ASAP2: variants seen among roughly 807,000 people sequenced by gnomAD.
The protein encoded by ASAP2 is ArfGAP with SH3 domain, ankyrin repeat and PH domain 2, also known as arf-GAP with SH3 domain, ANK repeat and PH domain-containing protein 2.
In ASAP2, 45 loss-of-function variants were observed where a neutral mutation model predicts 131.4. That is an observed-to-expected ratio of 0.34 (90% CI 0.27 to 0.44). The LOEUF is 0.44. ASAP2 is among the 20% of genes least tolerant of loss of function. ASAP2 has a pLI of 1.00. For missense variants in ASAP2, 1,011 were observed against 1,297.0 expected (o/e 0.78, Z 3.39); for synonymous variants, 510 against 503.0 (o/e 1.01, Z -0.19).
At chr2:9,247,714 G>A (rs1017191957) in intron 1 of ASAP2, among the ~76,000 whole-genome samples, 5 of 152,204 alleles carry the variant, frequency 3.3e-5, no homozygotes, top group Admixed American at 1.3e-4. Context: ...GGTGCCAGAC[G>A]CGGAGTAGGT....
In ASAP2 at chr2:9,391,053, T is replaced by C; in HGVS notation, c.2384-9T>C. The C allele has an allele frequency of 6.2e-7, 1 of 1,614,244 alleles. No homozygotes were observed. Among genetic ancestry groups the C allele is most frequent in the East Asian group, 2.2e-5 (1 of 44,886 alleles). ...GTGCATGCGTCTGTGTGCATGCGTG[T>C]GGGTTCAGTTCAGACAGCCTCCTCT... On this transcript the variant is annotated splice_polypyrimidine_tract_variant and intron_variant, in intron 22 of 27. Coordinates refer to ENST00000281419, the MANE Select transcript of ASAP2 (RefSeq NM_003887.3).
chr2:9,353,503 G>A (rs1031199148), intron 12 of ASAP2, among the ~76,000 whole-genome samples: 1 of 151,966 alleles, frequency 6.6e-6, no homozygotes, highest in African/African-American at 2.4e-5. Context: ...GTTGCAGTGA[G>A]TTGTGTTCGT....
At position 9,374,839 on chromosome 2, in the gene ASAP2, T is replaced by C. The variant is rs769199116; in HGVS notation, c.1641T>C (p.Leu547=). Residue 547 remains leucine, a synonymous_variant, in exon 17 of 28, where the codon CTT becomes CTC. Coordinates refer to ENST00000281419, the MANE Select transcript of ASAP2 (RefSeq NM_003887.3). ...RKKHADNAAK[L]HSLCEAVKTR... Reference sequence around the variant, plus strand: ...AGCACGCGGATAACGCGGCGAAGCTTCACAGTCTTTGCGAGGCCGTCAAAA... The same window carrying C: ...AGCACGCGGATAACGCGGCGAAGCTCCACAGTCTTTGCGAGGCCGTCAAAA... The C allele has an allele frequency of 2.0e-5, 33 of 1,614,002 alleles. No homozygotes were observed. The highest frequency in any genetic ancestry group is 8.8e-5 in the South Asian group (8 of 91,082).
intron 24 of ASAP2, among the ~76,000 whole-genome samples, chr2:9,396,531 C>A (rs999324488): frequency 7.9e-5 from 12 of 152,140 alleles, no homozygotes; most frequent in African/African-American, 2.7e-4. Context: ...CCCACCTTGG[C>A]CTTTCAGAGT....
chr2:9,320,314 T>G lies in ASAP2; in HGVS notation c.447T>G (p.Ala149=), dbSNP rs972889708. 2.5e-6 allele frequency: 4 copies of G among 1,610,638 alleles called. No homozygotes were observed. The highest frequency in any genetic ancestry group is 3.4e-6 in the Non-Finnish European group (4 of 1,178,892). The change falls in exon 5 of 28, where the codon GCT becomes GCG. Residue 149 remains alanine, a synonymous_variant. Coordinates refer to ENST00000281419, the MANE Select transcript of ASAP2 (RefSeq NM_003887.3). ...ATCTGAAAAAGCCTTTTGATAAAGC[T>G]TGGAAGGACTATGAAACAAAAATGT... The part of the protein sequence containing the change: ...KGDLKKPFDK[A]WKDYETKITK...
At chr2:9,336,808 G>T (rs944427691) in intron 9 of ASAP2, among the ~76,000 whole-genome samples, 4 of 152,260 alleles carry the variant, frequency 2.6e-5, no homozygotes, top group African/African-American at 9.6e-5. Flanking sequence ...GAGGGCAGGA[G>T]CCAGAATGCC....
At chr2:9,305,059 G>C (rs1316367128) in intron 3 of ASAP2, among the ~76,000 whole-genome samples, 1 of 147,822 alleles carries the variant, frequency 6.8e-6, no homozygotes, top group Non-Finnish European at 1.5e-5. Flanking sequence ...ATTGGTGGAG[G>C]GGCCGTAATA....
chr2:9,318,268 C>G (rs1669933181), intron 3 of ASAP2, among the ~76,000 whole-genome samples: 1 of 152,230 alleles, frequency 6.6e-6, no homozygotes, highest in African/African-American at 2.4e-5. Context: ...TGTCTCTTTA[C>G]AAACTTTCTA....
chr2:9,393,608 A>G lies in ASAP2; in HGVS notation c.2645A>G (p.Gln882Arg). 6.3e-7 allele frequency: 1 copy of G among 1,586,958 alleles called. No individual in the cohort carries two copies. Among genetic ancestry groups the G allele is most frequent in the Non-Finnish European group, 8.6e-7 (1 of 1,169,402 alleles). The change falls in exon 24 of 28, where the codon CAG (glutamine) becomes CGG (arginine). Residue 882 changes from glutamine to arginine, a missense_variant. Gln to Arg is a conservative substitution (Grantham distance 43). Coordinates refer to ENST00000281419, the MANE Select transcript of ASAP2 (RefSeq NM_003887.3). The part of the protein sequence containing the change: ...SQIRPPPLPP[Q>R]PPSRLPQKKP... ...ATCAGGCCCCCACCTCTGCCCCCAC[A>G]GCCGCCCAGCCGCCTCCCGCAGAAG...
At chr2:9,384,936 C>T (rs1434366337) in intron 20 of ASAP2, among the ~76,000 whole-genome samples, 1 of 152,260 alleles carries the variant, frequency 6.6e-6, no homozygotes, top group Non-Finnish European at 1.5e-5. Flanking sequence ...CAGAGAGATT[C>T]TGTCTCCTGA....
Position 9,376,975 on chromosome 2 carries a change from A to T in ASAP2, c.1814A>T (p.Asp605Val). ...SVDRTSLHIV[D>V]FLVQNSGNLD... ...GATCGAACCTCTCTTCACATTGTAG[A>T]CTTTTTAGTTCAGAACAGGTAGGTG... The change falls in exon 18 of 28, where the codon GAC (aspartate) becomes GTC (valine). Residue 605 changes from aspartate (D) to valine (V), a missense_variant. Transcript: ENST00000281419. 6.2e-7 allele frequency: 1 copy of T among 1,613,914 alleles called. No individual in the cohort carries two copies. The highest frequency in any genetic ancestry group is 8.5e-7 in the Non-Finnish European group (1 of 1,179,886).
chr2:9,235,514 T>G (rs1469763077), intron 1 of ASAP2, among the ~76,000 whole-genome samples: 1 of 152,192 alleles, frequency 6.6e-6, no homozygotes, highest in Non-Finnish European at 1.5e-5. Flanking sequence ...CTGTCTTGTA[T>G]GGCCGGAGGC....
chr2:9,366,325 C>T (rs985027314), intron 15 of ASAP2, among the ~76,000 whole-genome samples: 2 of 152,032 alleles, frequency 1.3e-5, no homozygotes, highest in Admixed American at 6.5e-5. Flanking sequence ...CTCCCATCTC[C>T]CCACCCCCAT....
In ASAP2 at chr2:9,368,450, G is replaced by T; in HGVS notation, c.1487G>T (p.Gly496Val). ...LLLAKNIGNA[G>V]FNEIMECCLP... ...CTCGCCAAGAATATTGGGAATGCAG[G>T]CTTTAATGAGATCATGGAATGTTGC... Residue 496 changes from glycine (G) to valine (V), a missense_variant, in exon 16 of 28, where the codon GGC (glycine) becomes GTC (valine). By Grantham distance (109) the Gly-to-Val change is moderately radical. Around this residue, in one of 2 missense-constraint regions of ASAP2, gnomAD observed 652 missense variants for 698.9 expected, o/e 0.93. Coordinates refer to ENST00000281419, the MANE Select transcript of ASAP2 (RefSeq NM_003887.3). 1 of 1,614,154 alleles carries T rather than the reference G, an allele frequency of 6.2e-7. No homozygotes were observed. Among genetic ancestry groups the T allele is most frequent in the South Asian group, 1.1e-5 (1 of 91,076 alleles).
intron 18 of ASAP2, among the ~76,000 whole-genome samples, chr2:9,378,692 A>C (rs1674591264): frequency 6.6e-6 from 1 of 152,150 alleles, no homozygotes; most frequent in African/African-American, 2.4e-5. Flanking sequence ...AACAACAGGG[A>C]TGCCCCCCTC....
intron 24 of ASAP2, among the ~76,000 whole-genome samples, chr2:9,398,681 C>T (rs530594835): frequency 1.3e-5 from 2 of 152,118 alleles, no homozygotes; most frequent in South Asian, 4.1e-4. Flanking sequence ...TGGTGGTGCA[C>T]ACCTGTAATT....
Position 9,374,834 on chromosome 2 carries a change from A to G in ASAP2, c.1636A>G (p.Lys546Glu). The stretch of plus-strand genomic sequence containing the variant: ...GAAGAAGCACGCGGATAACGCGGCG[A>G]AGCTTCACAGTCTTTGCGAGGCCGT... The part of the protein sequence containing the change: ...ARKKHADNAA[K>E]LHSLCEAVKT... The change falls in exon 17 of 28, where the codon AAG becomes GAG. Residue 546 changes from lysine to glutamate, a missense_variant. By Grantham distance (56) the Lys-to-Glu change is moderately conservative. This residue lies in a region of ASAP2 where 652 missense variants were observed against 698.9 expected (regional missense o/e 0.93). Coordinates refer to ENST00000281419, the MANE Select transcript of ASAP2 (RefSeq NM_003887.3). 6.2e-7 allele frequency: 1 copy of G among 1,614,188 alleles called. No homozygotes were observed. The highest frequency in any genetic ancestry group is 1.3e-5 in the African/African-American group (1 of 75,056).
intron 1 of ASAP2, among the ~76,000 whole-genome samples, chr2:9,211,444 A>G (rs1661544289): frequency 6.6e-6 from 1 of 151,858 alleles, no homozygotes; most frequent in Non-Finnish European, 1.5e-5. Flanking sequence ...TTCTCAAAAT[A>G]GGGAAAAATT....
intron 1 of ASAP2, among the ~76,000 whole-genome samples, chr2:9,258,986 CA>C (rs1245906236): frequency 6.6e-6 from 1 of 152,134 alleles, no homozygotes; most frequent in Non-Finnish European, 1.5e-5. Context: ...GGGGCCAGAC[CA>C]GGACCCTGGG....
Sources: gnomAD v4.1 joint callset for allele counts (sites outside exome capture counted in the v4.1 genomes callset) on GRCh38, gnomAD v4.1.1 for gene constraint, gnomAD v4.1.1 regional missense constraint, MANE v1.5 for transcripts, NCBI Gene and HGNC (gene_info 2026-07-23, HGNC 2026-07-21) for gene names.